GLI3: variants seen among roughly 807,000 people sequenced by gnomAD.
GLI3 encodes GLI family zinc finger 3, also known as transcription activator GLI3.
In GLI3, 20 loss-of-function variants were observed where a neutral mutation model predicts 100.8. The ratio of observed to expected loss-of-function variants is 0.20; its 90% CI spans 0.14 to 0.29. The LOEUF (loss-of-function observed/expected upper bound fraction) is 0.29. GLI3 is among the 10% of genes least tolerant of loss of function. GLI3 has a pLI of 1.00. For synonymous variants in GLI3, 938 were observed against 860.5 expected (o/e 1.09, Z -1.58); for missense variants, 2,040 against 2,128.5 (o/e 0.96, Z 0.82).
At chr7:41,976,219 G>A (rs1787509982) in intron 12 of GLI3, among the ~76,000 whole-genome samples, 1 of 152,086 alleles carries the variant, frequency 6.6e-6, no homozygotes, top group Admixed American at 6.5e-5. Context: ...TCCAGCTACT[G>A]CATACTGTAA....
At chr7:42,149,119 G>C (rs1314575176) in intron 2 of GLI3, among the ~76,000 whole-genome samples, 1 of 152,214 alleles carries the variant, frequency 6.6e-6, no homozygotes, top group African/African-American at 2.4e-5. Flanking sequence ...AAAACCTACA[G>C]AGCCTCTCGT....
At chr7:42,089,464 C>T (rs1457650458) in intron 3 of GLI3, among the ~76,000 whole-genome samples, 1 of 152,222 alleles carries the variant, frequency 6.6e-6, no homozygotes, top group Non-Finnish European at 1.5e-5. Context: ...GTCATCTTGA[C>T]ACCAATATAT....
intron 12 of GLI3, among the ~76,000 whole-genome samples, chr7:41,977,014 A>C (rs1426192183): frequency 6.6e-6 from 1 of 152,192 alleles, no homozygotes; most frequent in Non-Finnish European, 1.5e-5. Flanking sequence ...TTCTGAGACC[A>C]TTTTCCAAGA....
In GLI3 at chr7:42,148,419, G is replaced by A. The variant is rs556316186; in HGVS notation, c.174C>T (p.Ile58=). The A allele has an allele frequency of 3.7e-6, 6 of 1,613,802 alleles. No individual in the cohort carries two copies. In the South Asian group the frequency reaches 6.6e-5, roughly 18 times the overall value. ...QTYHRERRNA[I]TMQPQNVQGL... is the part of the protein sequence containing the mutation. Reference sequence around the variant, plus strand: ...CCTGGACATTCTGTGGCTGCATAGTGATTGCGTTTCTTCTCTCTCTGTGAT... The same window carrying A: ...CCTGGACATTCTGTGGCTGCATAGTAATTGCGTTTCTTCTCTCTCTGTGAT... Residue 58 remains isoleucine (I), a synonymous_variant, in exon 3 of 15, where the codon ATC becomes ATT. Coordinates refer to ENST00000395925, the MANE Select transcript of GLI3 (RefSeq NM_000168.6).
chr7:42,002,198 C>T (rs186877871), intron 10 of GLI3, among the ~76,000 whole-genome samples: 16 of 152,092 alleles, frequency 1.1e-4, no homozygotes, highest in Non-Finnish European at 2.4e-4. Flanking sequence ...GGGTGATGAA[C>T]GCAGCTATAA....
intron 10 of GLI3, among the ~76,000 whole-genome samples, chr7:41,994,138 C>G (rs1302228100): frequency 6.6e-6 from 1 of 152,172 alleles, no homozygotes; most frequent in East Asian, 1.9e-4. Flanking sequence ...GTAGGTTTCT[C>G]TTGAAATAAT....
chr7:42,183,811 C>T (rs1361311524), intron 2 of GLI3, among the ~76,000 whole-genome samples: 1 of 152,194 alleles, frequency 6.6e-6, no homozygotes, highest in East Asian at 1.9e-4. Context: ...CCCCCTCTCA[C>T]CCGGACTCAG....
At chr7:41,978,051 G>T in intron 11 of GLI3, 2 of 411,262 alleles carry the variant, frequency 4.9e-6, no homozygotes, top group African/African-American at 2.0e-5. Flanking sequence ...CATTAATATA[G>T]CTTTGTGTCC....
chr7:41,974,912 A>G (rs1319670167), intron 12 of GLI3, among the ~76,000 whole-genome samples: 1 of 152,218 alleles, frequency 6.6e-6, no homozygotes, highest in Non-Finnish European at 1.5e-5. Context: ...CAGCTTCTGG[A>G]AGGTTTCATT....
Position 42,018,956 on chromosome 7 carries a change from C to T in GLI3, c.1497+4512G>A, listed in dbSNP as rs565944924. Among the ~76,000 whole-genome samples the T allele has an allele frequency of 2.3e-4, 35 of 152,246 alleles. No individual in the cohort carries two copies. In the East Asian group the frequency reaches 6.6e-3, roughly 29 times the overall value. On this transcript the variant is annotated intron_variant, in intron 10 of 14. Transcript: ENST00000395925. Reference sequence around the variant, plus strand: ...ATCCCCCAGTGCGATTGCCAAGGGCCCTGCAGGGTTATGCTGCTGGGGATT... The same window carrying T: ...ATCCCCCAGTGCGATTGCCAAGGGCTCTGCAGGGTTATGCTGCTGGGGATT...
chr7:42,081,605 T>C (rs1784997927), intron 3 of GLI3, among the ~76,000 whole-genome samples: 1 of 152,132 alleles, frequency 6.6e-6, no homozygotes, highest in Admixed American at 6.5e-5. Context: ...CCTGGGTTGA[T>C]CATAAAACCT....
intron 2 of GLI3, among the ~76,000 whole-genome samples, chr7:42,211,142 T>A (rs764321343): frequency 8.5e-5 from 13 of 152,242 alleles, no homozygotes; most frequent in Non-Finnish European, 1.6e-4. Flanking sequence ...TGCTTTGAAT[T>A]TATGTGAAAA....
intron 7 of GLI3, 30 bp from the exon 8 acceptor site, chr7:42,026,442 A>G (rs762940815): frequency 2.6e-6 from 4 of 1,538,986 alleles, no homozygotes; most frequent in Admixed American, 1.7e-5. Context: ...AAAGACGATC[A>G]TCACTTAAAC....
At position 41,967,729 on chromosome 7, in the gene GLI3, C is replaced by G. The variant is rs2128707031; in HGVS notation, c.2298G>C (p.Arg766Ser). 1 of 1,614,198 alleles carries G rather than the reference C, an allele frequency of 6.2e-7. No individual in the cohort carries two copies. Among genetic ancestry groups the G allele is most frequent in the Non-Finnish European group, 8.5e-7 (1 of 1,180,044 alleles). ...TATTALALQA[R>S]RNPAGTKWME... ...TCCATTTGGTCCCTGCCGGGTTTCT[C>G]CTGGCTTGCAAAGCAAGGGCTGTGG... Residue 766 changes from arginine (R) to serine (S), a missense_variant, in exon 14 of 15, where the codon AGG (arginine) becomes AGC (serine). Physicochemically the swap from Arg to Ser is moderately radical, Grantham distance 110 (BLOSUM62 -1). Coordinates refer to ENST00000395925, the MANE Select transcript of GLI3 (RefSeq NM_000168.6).
rs1277811538 is a variant in GLI3 at position 41,961,786 on chromosome 7, A to G, written c.*2544T>C. On this transcript the variant is annotated 3_prime_UTR_variant, in exon 15 of 15. Coordinates refer to ENST00000395925, the MANE Select transcript of GLI3 (RefSeq NM_000168.6). ...TGTCCCAAAAAGATGCTTCTAAGTG[A>G]CCTCAAAAGACCTTCCTTCCACTGG... 2 of 152,080 alleles carry G rather than the reference A, an allele frequency of 1.3e-5. No homozygotes were observed. Among genetic ancestry groups the G allele is most frequent in the Non-Finnish European group, 2.9e-5 (2 of 68,040 alleles). 9.4% of individuals were successfully genotyped at this position (152,080 alleles called of 1,614,324 possible). A position where few individuals can be genotyped will look rare whatever the true frequency, so the allele number is the denominator to read the frequency against.
At chr7:42,137,275 A>G (rs1459863636) in intron 3 of GLI3, among the ~76,000 whole-genome samples, 4 of 152,196 alleles carry the variant, frequency 2.6e-5, no homozygotes, top group African/African-American at 9.6e-5. Context: ...CTGATTCCAC[A>G]TTCCATGCCT....
intron 3 of GLI3, among the ~76,000 whole-genome samples, chr7:42,107,274 G>A (rs1562733584): frequency 6.6e-6 from 1 of 151,120 alleles, no homozygotes; most frequent in South Asian, 2.1e-4. Flanking sequence ...GGGGCTGCGT[G>A]AGCCGAGATC....
intron 3 of GLI3, among the ~76,000 whole-genome samples, chr7:42,099,053 G>A (rs559699039): frequency 8.3e-4 from 126 of 152,270 alleles, no homozygotes; most frequent in African/African-American, 2.9e-3. Flanking sequence ...GTGCCAAGGA[G>A]AGGGTGGTGA....
rs184675222 is a variant in GLI3 at position 42,243,735 on chromosome 7, G to A, written c.-43+20259C>T. On this transcript the variant is annotated intron_variant, in intron 1 of 2. Coordinates refer to the GLI3 transcript ENST00000678978. Reference sequence around the variant, plus strand: ...TGAGCCCCATGTTAACATTCACAACGTTTTCACACACAGTAAGTAGGATGC... The same window carrying A: ...TGAGCCCCATGTTAACATTCACAACATTTTCACACACAGTAAGTAGGATGC... Among the ~76,000 whole-genome samples, 23 of 152,226 alleles carry A rather than the reference G, an allele frequency of 1.5e-4. No individual in the cohort carries two copies. The East Asian group carries it at 2.7e-3, about 18-fold the overall frequency.
Sources: allele counts gnomAD v4.1 joint callset (sites outside exome capture counted in the v4.1 genomes callset), GRCh38; gene constraint gnomAD v4.1.1; transcripts MANE v1.5; gene names NCBI Gene and HGNC (gene_info 2026-07-23, HGNC 2026-07-21).